ROBO1: variants seen among roughly 807,000 people sequenced by gnomAD.
ROBO1 encodes roundabout homolog 1.
ROBO1 carries 149 observed loss-of-function variants against 195.9 expected under a neutral mutation model. The observed-to-expected ratio is 0.76, with a 90% confidence interval of 0.67 to 0.87. The LOEUF is 0.87. Among genes scored for constraint, ROBO1 ranks in the 40% least tolerant of loss-of-function variants. The pLI is 0.00. For missense variants in ROBO1, 1,933 were observed against 2,068.3 expected (o/e 0.93, Z 1.27); for synonymous variants, 816 against 733.2 (o/e 1.11, Z -1.82).
intron 2 of ROBO1, among the ~76,000 whole-genome samples, chr3:79,540,047 T>G (rs1183741127): frequency 6.6e-6 from 1 of 152,078 alleles, no homozygotes; most frequent in African/African-American, 2.4e-5. Flanking sequence ...GTATATTGGT[T>G]AACATTGTTT....
intron 3 of ROBO1, among the ~76,000 whole-genome samples, chr3:78,982,420 A>G (rs1559557142): frequency 6.6e-6 from 1 of 152,172 alleles, no homozygotes; most frequent in Admixed American, 6.5e-5. Context: ...CTTCACTCCT[A>G]CAGTATTCAA....
chr3:79,480,823 C>T (rs568183541), intron 2 of ROBO1, among the ~76,000 whole-genome samples: 3 of 152,142 alleles, frequency 2.0e-5, no homozygotes, highest in Non-Finnish European at 2.9e-5. Flanking sequence ...GACTATGGTT[C>T]GTTTGTCTTT....
At chr3:78,877,162 A>C (rs992171623) in intron 4 of ROBO1, among the ~76,000 whole-genome samples, 2 of 152,206 alleles carry the variant, frequency 1.3e-5, no homozygotes, top group Non-Finnish European at 2.9e-5. Context: ...TGTTACTGAC[A>C]TTTTGTAATA....
At chr3:79,475,605 T>C (rs1206888906) in intron 2 of ROBO1, among the ~76,000 whole-genome samples, 1 of 152,068 alleles carries the variant, frequency 6.6e-6, no homozygotes, top group Non-Finnish European at 1.5e-5. Context: ...AATATTTTAT[T>C]ACTATATTAC....
chr3:78,863,558 C>T (rs1355431181), intron 4 of ROBO1, among the ~76,000 whole-genome samples: 2 of 152,118 alleles, frequency 1.3e-5, no homozygotes, highest in Non-Finnish European at 2.9e-5. Flanking sequence ...TACCACTGAG[C>T]CAACAGCTCC....
Position 79,720,931 on chromosome 3 carries a change from T to TC in ROBO1, c.-51+46820_-51+46821insG, listed in dbSNP as rs1404849222. On this transcript the variant is annotated intron_variant, in intron 1 of 30. Coordinates refer to ENST00000464233, the MANE Select transcript of ROBO1 (RefSeq NM_002941.4). ...CCTCAGCCTCCCGAGTAGCTGGGAC[T>TC]ACAGGCGCCCGCCACCGTGCCCGGC... is the stretch of plus-strand genomic sequence containing the variant. 1.3e-4 allele frequency among the ~76,000 whole-genome samples: 20 copies of TC among 152,198 alleles called. 1 individual carries two copies. In the South Asian group the frequency reaches 3.9e-3, roughly 30 times the overall value.
intron 3 of ROBO1, among the ~76,000 whole-genome samples, chr3:79,114,319 C>G (rs972982101): frequency 2.0e-5 from 3 of 152,134 alleles, no homozygotes; most frequent in African/African-American, 7.2e-5. Context: ...CAACAGAGAC[C>G]TTGGCACATG....
At chr3:79,194,519 G>T (rs1000324815) in intron 2 of ROBO1, among the ~76,000 whole-genome samples, 6 of 151,700 alleles carry the variant, frequency 4.0e-5, no homozygotes, top group African/African-American at 1.4e-4. Flanking sequence ...AGCCCTGAAG[G>T]TTCTCAAGTG....
chr3:78,871,525 G>A (rs576388677), intron 4 of ROBO1, among the ~76,000 whole-genome samples: 3 of 152,090 alleles, frequency 2.0e-5, no homozygotes, highest in African/African-American at 4.8e-5. Flanking sequence ...CATTCACAGT[G>A]CTACTTAATT....
At chr3:79,351,858 A>G (rs182038540) in intron 2 of ROBO1, among the ~76,000 whole-genome samples, 35 of 152,308 alleles carry the variant, frequency 2.3e-4, no homozygotes, top group Admixed American at 2.1e-3. Flanking sequence ...TGTGTCCTTA[A>G]CACACATGTC....
chr3:79,111,115 T>C (rs1332225189), intron 3 of ROBO1, among the ~76,000 whole-genome samples: 1 of 152,200 alleles, frequency 6.6e-6, no homozygotes, highest in Middle Eastern at 3.2e-3. Flanking sequence ...TACCTGCTTC[T>C]GATCGCTCTG....
intron 1 of ROBO1, among the ~76,000 whole-genome samples, chr3:79,681,629 T>C (rs914526599): frequency 2.6e-5 from 4 of 151,896 alleles, no homozygotes; most frequent in African/African-American, 4.8e-5. Flanking sequence ...TGGTAGATAG[T>C]AGAGGGAAGG....
chr3:78,665,401 C>G (rs1707672559), intron 14 of ROBO1, among the ~76,000 whole-genome samples: 1 of 152,134 alleles, frequency 6.6e-6, no homozygotes, highest in Non-Finnish European at 1.5e-5. Context: ...TGTCTTTAGT[C>G]TATCCTTTTA....
intron 4 of ROBO1, among the ~76,000 whole-genome samples, chr3:78,785,273 G>A (rs2083797328): frequency 6.6e-6 from 1 of 152,148 alleles, no homozygotes; most frequent in Non-Finnish European, 1.5e-5. Flanking sequence ...ACACTCTTCT[G>A]AGTCTTTTTC....
chr3:79,567,283 G>C (rs189187433), intron 2 of ROBO1, among the ~76,000 whole-genome samples: 8 of 151,928 alleles, frequency 5.3e-5, no homozygotes, highest in African/African-American at 1.9e-4. Context: ...GAAGAGTATC[G>C]GGCACTAGGC....
Position 78,841,675 on chromosome 3 carries a change from T to C in ROBO1, c.500-94775A>G, listed in dbSNP as rs555734123. Among the ~76,000 whole-genome samples the C allele has an allele frequency of 2.2e-4, 34 of 152,148 alleles. 1 individual carries two copies. Among genetic ancestry groups the C allele is most frequent in the Admixed American group, 7.9e-4 (12 of 15,264 alleles). On this transcript the variant is annotated intron_variant, in intron 4 of 30. Coordinates refer to ENST00000464233, the MANE Select transcript of ROBO1 (RefSeq NM_002941.4). Reference sequence around the variant, plus strand: ...TTACTCAAACCCCAATTTTCTGTACTGCACAAAACACCATAAACAAAAGAT... The same window carrying C: ...TTACTCAAACCCCAATTTTCTGTACCGCACAAAACACCATAAACAAAAGAT...
intron 4 of ROBO1, among the ~76,000 whole-genome samples, chr3:78,870,237 C>CA (rs1576319874): frequency 6.6e-6 from 1 of 152,166 alleles, no homozygotes; most frequent in East Asian, 1.9e-4. Context: ...GGTCCTGACC[C>CA]AACCCCGTCC....
intron 4 of ROBO1, among the ~76,000 whole-genome samples, chr3:78,832,534 C>T (rs2032320387): frequency 1.3e-5 from 2 of 152,116 alleles, no homozygotes; most frequent in Non-Finnish European, 2.9e-5. Context: ...CTGTCACTCA[C>T]CTATTCAACT....
intron 4 of ROBO1, among the ~76,000 whole-genome samples, chr3:78,784,995 T>C (rs2083788644): frequency 6.6e-6 from 1 of 152,164 alleles, no homozygotes; most frequent in Admixed American, 6.5e-5. Flanking sequence ...ACTGCACAAG[T>C]ACATCCAGCA....
Sources: allele counts gnomAD v4.1 joint callset (sites outside exome capture counted in the v4.1 genomes callset), GRCh38; gene constraint gnomAD v4.1.1; transcripts MANE v1.5; gene names NCBI Gene and HGNC (gene_info 2026-07-23, HGNC 2026-07-21).